The following PLXNA4 variants were observed in gnomAD, a reference collection of about 807,000 sequenced individuals.
PLXNA4 encodes the protein plexin-A4.
PLXNA4 carries 44 observed loss-of-function variants against 191.8 expected under a neutral mutation model. That is an observed-to-expected ratio of 0.23 (90% CI 0.18 to 0.29). The LOEUF (loss-of-function observed/expected upper bound fraction) is 0.29. Ranked by LOEUF, PLXNA4 falls within the 10% of genes least tolerant of loss-of-function variation. The pLI, the probability that PLXNA4 is intolerant of heterozygous loss-of-function variation, is 1.00. For missense variants in PLXNA4, 1,800 were observed against 2,488.8 expected (o/e 0.72, Z 5.89); for synonymous variants, 1,082 against 1,009.5 (o/e 1.07, Z -1.36).
intron 1 of PLXNA4, among the ~76,000 whole-genome samples, chr7:132,517,733 T>C (rs922385022): frequency 1.3e-5 from 2 of 152,116 alleles, no homozygotes; most frequent in Non-Finnish European, 2.9e-5. Flanking sequence ...CAAGCTAACA[T>C]ATACAGGATA....
intron 2 of PLXNA4, among the ~76,000 whole-genome samples, chr7:132,499,400 G>A (rs1798157745): frequency 6.6e-6 from 1 of 152,256 alleles, no homozygotes; most frequent in South Asian, 2.1e-4. Context: ...GGAAATCCCA[G>A]GGAAGTTTCT....
At chr7:132,166,367 T>TTTTTTTTTTTTTTTG (rs1796122855) in intron 22 of PLXNA4, among the ~76,000 whole-genome samples, 3 of 132,930 alleles carry the variant, frequency 2.3e-5, no homozygotes, top group Non-Finnish European at 1.8e-5. Flanking sequence ...TCTACTCTTT[T>TTTTTTTTTTTTTTTG]ACTTTGGAAG....
chr7:132,368,584 C>T (rs976898993), intron 3 of PLXNA4, among the ~76,000 whole-genome samples: 1 of 152,182 alleles, frequency 6.6e-6, no homozygotes, highest in Admixed American at 6.5e-5. Context: ...AGAGTGGGGC[C>T]CTCAGCTGCC....
intron 3 of PLXNA4, among the ~76,000 whole-genome samples, chr7:132,452,464 A>G: frequency 6.6e-6 from 1 of 152,236 alleles, no homozygotes; most frequent in Non-Finnish European, 1.5e-5. Flanking sequence ...AAGGAAAGCG[A>G]TGGTGGCCAT....
At chr7:132,644,416 G>T (rs1803815176) in intron 2 of PLXNA4, among the ~76,000 whole-genome samples, 2 of 152,304 alleles carry the variant, frequency 1.3e-5, no homozygotes, top group South Asian at 4.1e-4. Flanking sequence ...AATAGACTTG[G>T]TCGTGGCCTG....
chr7:132,189,714 G>C (rs1268843560), intron 14 of PLXNA4, among the ~76,000 whole-genome samples: 2 of 152,132 alleles, frequency 1.3e-5, no homozygotes, highest in African/African-American at 4.8e-5. Context: ...AAGGCCATGA[G>C]GGCTCGGAGA....
At chr7:132,329,450 G>A (rs991358539) in intron 3 of PLXNA4, among the ~76,000 whole-genome samples, 12 of 152,202 alleles carry the variant, frequency 7.9e-5, no homozygotes, top group African/African-American at 2.9e-4. Context: ...GCCCAAGGGT[G>A]CTCAGCCCTG....
chr7:132,150,701 C>G (rs1246211549), intron 25 of PLXNA4, among the ~76,000 whole-genome samples: 1 of 152,228 alleles, frequency 6.6e-6, no homozygotes. Context: ...AGCCCTCTAG[C>G]TTAGCAACTG....
intron 3 of PLXNA4, among the ~76,000 whole-genome samples, chr7:132,455,128 C>T (rs575752628): frequency 3.3e-5 from 5 of 152,322 alleles, no homozygotes; most frequent in East Asian, 3.9e-4. Flanking sequence ...CTCGCCTGGA[C>T]GCTGTTTGCA....
chr7:132,559,218 G>A (rs1477452336), intron 1 of PLXNA4, among the ~76,000 whole-genome samples: 2 of 152,170 alleles, frequency 1.3e-5, no homozygotes, highest in African/African-American at 4.8e-5. Flanking sequence ...AAATGTACAA[G>A]GGCTGGGAAA....
intron 2 of PLXNA4, among the ~76,000 whole-genome samples, chr7:132,584,840 A>T (rs1802478223): frequency 6.6e-6 from 1 of 152,180 alleles, no homozygotes; most frequent in South Asian, 2.1e-4. Flanking sequence ...GTTGAAAATG[A>T]ACAAAAAAAA....
rs76286420 is a variant in PLXNA4 at position 132,227,518 on chromosome 7, G to A, written c.1815C>T (p.Val605=). Reference sequence around the variant, plus strand: ...AGTAGCACTGGATCTGATTGCCCACGACCAGCCCATCCATCTCTGACAGGT... The same window carrying A: ...AGTAGCACTGGATCTGATTGCCCACAACCAGCCCATCCATCTCTGACAGGT... The part of the protein sequence containing the change: ...FEDLSEMDGL[V]VGNQIQCYSP... The change falls in exon 7 of 32, where the codon GTC becomes GTT. Residue 605 remains valine (V), a synonymous_variant. Transcript: ENST00000321063. 1.5e-5 allele frequency: 25 copies of A among 1,613,990 alleles called. No individual in the cohort carries two copies. The highest frequency in any genetic ancestry group is 2.7e-5 in the African/African-American group (2 of 74,910).
chr7:132,208,134 T>C (rs1482475587), intron 10 of PLXNA4, among the ~76,000 whole-genome samples: 1 of 152,198 alleles, frequency 6.6e-6, no homozygotes, highest in Admixed American at 6.5e-5. Context: ...AATTGCTTGA[T>C]GGTAAGAAGC....
At chr7:132,135,990 T>A (rs1320899754) in intron 30 of PLXNA4, among the ~76,000 whole-genome samples, 3 of 152,110 alleles carry the variant, frequency 2.0e-5, no homozygotes, top group African/African-American at 7.2e-5. Context: ...CCAGTGTCTG[T>A]GGGTGTGGGG....
intron 4 of PLXNA4, among the ~76,000 whole-genome samples, chr7:132,247,411 G>C (rs931793448): frequency 6.6e-6 from 1 of 152,004 alleles, no homozygotes; most frequent in Admixed American, 6.6e-5. Flanking sequence ...AAAAAAGAAA[G>C]AAAAAAAGAG....
At chr7:132,193,912 C>A in intron 14 of PLXNA4, 150 bp downstream of exon 14, 1 of 956,146 alleles carries the variant, frequency 1.0e-6, no homozygotes, top group Non-Finnish European at 1.5e-6. Context: ...TGCTCTCACT[C>A]ACTATAAGAC....
chr7:132,532,729 C>T (rs780863083), intron 1 of PLXNA4, among the ~76,000 whole-genome samples: 1 of 152,196 alleles, frequency 6.6e-6, no homozygotes, highest in Non-Finnish European at 1.5e-5. Context: ...ATTCAAAGAC[C>T]TCCATCATCT....
In PLXNA4 at chr7:132,185,924, G is replaced by A. The variant is rs1383150594; in HGVS notation, c.2994-461C>T. Among the ~76,000 whole-genome samples the A allele has an allele frequency of 4.6e-5, 7 of 152,174 alleles. No homozygotes were observed. In the East Asian group the frequency reaches 7.7e-4, roughly 17 times the overall value. ...TGCTGTCTTTGTAGTATTTGGAGTT[G>A]AGCCCCATCTGTTTTCCCTGATGCA... On this transcript the variant is annotated intron_variant, in intron 15 of 31. Coordinates refer to ENST00000321063, the MANE Select transcript of PLXNA4 (RefSeq NM_020911.2).
At chr7:132,176,656 A>G (rs7782294) in intron 20 of PLXNA4, among the ~76,000 whole-genome samples, 34,064 of 151,930 alleles carry the variant, frequency 0.22, 4,612 homozygotes, top group African/African-American at 0.37. Flanking sequence ...AGGCATGTGC[A>G]AGTGTGAATG....
Sources: allele counts gnomAD v4.1 joint callset (sites outside exome capture counted in the v4.1 genomes callset), GRCh38; gene constraint gnomAD v4.1.1; transcripts MANE v1.5; gene names NCBI Gene and HGNC (gene_info 2026-07-23, HGNC 2026-07-21).